Variants in RBFOX1 observed in about 807,000 individuals in gnomAD.
RBFOX1 encodes RNA binding protein fox-1 homolog 1.
Under a neutral mutation model 57.7 loss-of-function variants are expected in RBFOX1, and 8 were observed. The observed-to-expected ratio is 0.14, with a 90% confidence interval of 0.08 to 0.25. The LOEUF is 0.25. RBFOX1 is among the 10% of genes least tolerant of loss of function. The pLI is 1.00. For missense variants in RBFOX1, 611 were observed against 548.5 expected, an observed-to-expected ratio of 1.11 and a Z score of -1.14; for synonymous variants, 326 against 222.4, an observed-to-expected ratio of 1.47 and a Z score of -4.15.
chr16:5,410,371 CAAA>C (rs34771883), intron 1 of RBFOX1, among the ~76,000 whole-genome samples: 42 of 145,568 alleles, frequency 2.9e-4, no homozygotes, highest in Admixed American at 4.9e-4. Flanking sequence ...GACCCTGTCT[CAAA>C]AAAAAAAAAA....
intron 4 of RBFOX1, among the ~76,000 whole-genome samples, chr16:5,906,062 C>T (rs1245923820): frequency 2.0e-5 from 3 of 152,088 alleles, no homozygotes; most frequent in African/African-American, 7.2e-5. Flanking sequence ...GTAGTCGCTG[C>T]CCATGTGCCC....
chr16:6,315,155 A>G (rs2080914503), intron 1 of RBFOX1, among the ~76,000 whole-genome samples: 1 of 152,278 alleles, frequency 6.6e-6, no homozygotes, highest in Non-Finnish European at 1.5e-5. Flanking sequence ...TGAGGCAGGT[A>G]CTGTTTATTC....
chr16:7,284,132 T>G (rs149904801), intron 4 of RBFOX1, among the ~76,000 whole-genome samples: 56 of 152,352 alleles, frequency 3.7e-4, no homozygotes, highest in African/African-American at 1.3e-3. Context: ...CTTTTATTGC[T>G]GAGTAGCATT....
intron 2 of RBFOX1, among the ~76,000 whole-genome samples, chr16:6,608,788 AG>A (rs1269320389): frequency 6.6e-6 from 1 of 152,208 alleles, no homozygotes; most frequent in Non-Finnish European, 1.5e-5. Context: ...AAACAAAAAC[AG>A]AAGTTGGTCA....
At chr16:5,546,423 T>G (rs1026254830) in intron 2 of RBFOX1, among the ~76,000 whole-genome samples, 1 of 152,220 alleles carries the variant, frequency 6.6e-6, no homozygotes, top group African/African-American at 2.4e-5. Flanking sequence ...AAAGATTTAT[T>G]ACAAAGCTAT....
intron 3 of RBFOX1, among the ~76,000 whole-genome samples, chr16:6,944,326 C>T (rs754490469): frequency 6.8e-5 from 10 of 147,570 alleles, no homozygotes; most frequent in East Asian, 6.2e-4. Context: ...ACCGAAGAGG[C>T]GGAGGTTGCA....
intron 2 of RBFOX1, among the ~76,000 whole-genome samples, chr16:5,547,671 G>A (rs1297272769): frequency 1.3e-5 from 2 of 152,154 alleles, no homozygotes; most frequent in Non-Finnish European, 2.9e-5. Context: ...TGCCTTGAGT[G>A]AAGAATATGT....
intron 2 of RBFOX1, among the ~76,000 whole-genome samples, chr16:6,478,028 G>A (rs2095301147): frequency 6.6e-6 from 1 of 152,008 alleles, no homozygotes; most frequent in African/African-American, 2.4e-5. Flanking sequence ...TCTGGATTAG[G>A]CTTTGGCTTA....
intron 4 of RBFOX1, among the ~76,000 whole-genome samples, chr16:7,329,600 C>CT (rs2096657578): frequency 6.6e-6 from 1 of 152,108 alleles, no homozygotes; most frequent in African/African-American, 2.4e-5. Context: ...AGGTTTTGAA[C>CT]GAGGACGAAG....
rs933122809 is a variant in RBFOX1, at chr16:6,753,056, G to C, written c.-16+98406G>C. 9.8e-5 allele frequency among the ~76,000 whole-genome samples: 14 copies of C among 142,874 alleles called. No individual in the cohort carries two copies. The East Asian group carries it at 2.4e-3, about 25-fold the overall frequency. The allele number at this position is 142,874 out of a possible 152,430, so 93.7% of individuals were successfully genotyped here. A position where few individuals can be genotyped will look rare whatever the true frequency, so the allele number is the denominator to read the frequency against. On this transcript the variant is annotated intron_variant, in intron 3 of 15. Transcript: ENST00000550418. ...GTAACTTTTTCATAGTGGTCATATA[G>C]TATTATTAGGAAGTAATGGCATAAA...
chr16:7,433,292 A>T (rs1567143395), intron 4 of RBFOX1, among the ~76,000 whole-genome samples: 1 of 152,200 alleles, frequency 6.6e-6, no homozygotes, highest in Non-Finnish European at 1.5e-5. Context: ...TTCTAATTCA[A>T]ACCCTAAGCT....
intron 3 of RBFOX1, among the ~76,000 whole-genome samples, chr16:5,829,554 T>G (rs1382261784): frequency 6.6e-6 from 1 of 152,152 alleles, no homozygotes; most frequent in Admixed American, 6.5e-5. Flanking sequence ...ATGAGGATTC[T>G]GGTGGCCCTC....
intron 4 of RBFOX1, among the ~76,000 whole-genome samples, chr16:5,937,488 C>T (rs959650782): frequency 6.6e-6 from 1 of 151,924 alleles, no homozygotes; most frequent in African/African-American, 2.4e-5. Flanking sequence ...AGGAATTTTT[C>T]AGCAGTGAAT....
At chr16:7,126,795 C>T (rs974138804) in intron 4 of RBFOX1, among the ~76,000 whole-genome samples, 2 of 151,834 alleles carry the variant, frequency 1.3e-5, no homozygotes, top group Non-Finnish European at 2.9e-5. Flanking sequence ...TTGAGATCAG[C>T]CAAAGATTTT....
chr16:5,733,868 C>G (rs2052474851), intron 3 of RBFOX1, among the ~76,000 whole-genome samples: 7 of 152,036 alleles, frequency 4.6e-5, no homozygotes, highest in Admixed American at 4.6e-4. Flanking sequence ...CTTCTTTTCT[C>G]TCAGCTTTCT....
At chr16:5,309,690 T>C (rs748243420) in intron 1 of RBFOX1, among the ~76,000 whole-genome samples, 2 of 152,176 alleles carry the variant, frequency 1.3e-5, no homozygotes, top group African/African-American at 2.4e-5. Context: ...GAGTCTCTGG[T>C]TTGGTAATGT....
chr16:6,886,888 C>A (rs940677272), intron 3 of RBFOX1, among the ~76,000 whole-genome samples: 2 of 152,072 alleles, frequency 1.3e-5, no homozygotes, highest in African/African-American at 2.4e-5. Flanking sequence ...AATTTTGTTG[C>A]ATTAGGTCAC....
rs144695101 is a variant in RBFOX1, at chr16:7,515,478, TACAC to T, written c.28-2647_28-2644del. Among the ~76,000 whole-genome samples, 331 of 146,770 alleles carry T rather than the reference TACAC, an allele frequency of 2.3e-3. 1 individual carries two copies. Among genetic ancestry groups the T allele is most frequent in the African/African-American group, 6.0e-3 (241 of 40,250 alleles). On this transcript the variant is annotated intron_variant, in intron 4 of 15. Transcript: ENST00000550418. ...TAAATTAAATCTCTCCACACACACA[TACAC>T]ACACACACACACACACACACAAATG...
chr16:7,113,004 T>A (rs79155126), intron 4 of RBFOX1, among the ~76,000 whole-genome samples: 2,375 of 152,274 alleles, frequency 0.016, 73 homozygotes, highest in African/African-American at 0.054. Flanking sequence ...TTACATGAAT[T>A]CAGGGGTGAG....
Sources: gnomAD v4.1 joint callset for allele counts (sites outside exome capture counted in the v4.1 genomes callset) on GRCh38, gnomAD v4.1.1 for gene constraint, MANE v1.5 for transcripts, NCBI Gene and HGNC (gene_info 2026-07-23, HGNC 2026-07-21) for gene names.